The following BICC1 variants were observed in gnomAD, a reference collection of about 807,000 sequenced individuals.
BICC1 encodes protein bicaudal C homolog 1.
In BICC1, 43 loss-of-function variants were observed where a neutral mutation model predicts 111.0. The ratio of observed to expected loss-of-function variants is 0.39; its 90% CI spans 0.30 to 0.50. BICC1 has a LOEUF of 0.50. Ranked by LOEUF, BICC1 falls within the 20% of genes least tolerant of loss-of-function variation. BICC1 has a pLI of 0.88. For missense variants in BICC1, 1,091 were observed against 1,203.2 expected (o/e 0.91, Z 1.38); for synonymous variants, 467 against 434.4 (o/e 1.07, Z -0.93).
chr10:58,649,050 CCTT>C (rs1462149705), intron 2 of BICC1, among the ~76,000 whole-genome samples: 1 of 152,168 alleles, frequency 6.6e-6, no homozygotes, highest in Non-Finnish European at 1.5e-5. Flanking sequence ...ACCCTGAACA[CCTT>C]CTCCCCAATA....
intron 1 of BICC1, among the ~76,000 whole-genome samples, chr10:58,558,442 G>A (rs2131940140): frequency 6.6e-6 from 1 of 152,122 alleles, no homozygotes; most frequent in South Asian, 2.1e-4. Flanking sequence ...AGTTCTCCTG[G>A]CAATAAGCTG....
intron 3 of BICC1, among the ~76,000 whole-genome samples, chr10:58,783,440 A>G (rs1451953642): frequency 6.6e-6 from 1 of 151,714 alleles, no homozygotes; most frequent in Non-Finnish European, 1.5e-5. Context: ...AGAATATGAT[A>G]TGCTCTCTGT....
At chr10:58,622,185 G>GA (rs552590765) in intron 2 of BICC1, among the ~76,000 whole-genome samples, 138 of 147,426 alleles carry the variant, frequency 9.4e-4, no homozygotes, top group South Asian at 8.0e-3. Context: ...CTGTCTCAAA[G>GA]AAAAAAAAAA....
chr10:58,733,846 T>C (rs963516034), intron 3 of BICC1, among the ~76,000 whole-genome samples: 10 of 152,242 alleles, frequency 6.6e-5, no homozygotes, highest in African/African-American at 2.2e-4. Context: ...GTTAGGAGCA[T>C]GGTGTCTTGA....
chr10:58,572,801 C>T lies in BICC1; in HGVS notation c.191-48054C>T, dbSNP rs971857777. ...GGGAAATGTGAGAACACCAGATAGC[C>T]AGAGGTAAACAATACTACGCCTTTG... is the stretch of plus-strand genomic sequence containing the variant. On this transcript the variant is annotated intron_variant, in intron 1 of 20. Transcript: ENST00000373886. 9.9e-5 allele frequency among the ~76,000 whole-genome samples: 15 copies of T among 152,152 alleles called. 1 individual carries two copies. The highest frequency in any genetic ancestry group is 9.2e-4 in the Admixed American group (14 of 15,262).
intron 3 of BICC1, among the ~76,000 whole-genome samples, chr10:58,711,530 T>C (rs1840572204): frequency 1.3e-5 from 2 of 152,200 alleles, no homozygotes; most frequent in Admixed American, 1.3e-4. Context: ...GCACACATCA[T>C]TTTACAGGTG....
At chr10:58,662,693 A>G (rs4948535) in intron 2 of BICC1, among the ~76,000 whole-genome samples, 103,625 of 152,156 alleles carry the variant, frequency 0.68, 39,425 homozygotes, top group East Asian at 0.88. Flanking sequence ...GAAACATAGG[A>G]AAGAACTATT....
chr10:58,553,328 G>T (rs1843349844), intron 1 of BICC1, among the ~76,000 whole-genome samples: 1 of 152,194 alleles, frequency 6.6e-6, no homozygotes, highest in African/African-American at 2.4e-5. Context: ...GGGAGGCAAA[G>T]GAGTTAGAGT....
chr10:58,560,034 T>G (rs918159177), intron 1 of BICC1, among the ~76,000 whole-genome samples: 1 of 151,864 alleles, frequency 6.6e-6, no homozygotes, highest in Non-Finnish European at 1.5e-5. Flanking sequence ...TTTTTTTTTT[T>G]GCAGTGTCTT....
At chr10:58,713,779 T>C (rs542167184) in intron 3 of BICC1, among the ~76,000 whole-genome samples, 1 of 152,382 alleles carries the variant, frequency 6.6e-6, no homozygotes, top group East Asian at 1.9e-4. Flanking sequence ...ACCTGACTTT[T>C]AGAAGTGTGC....
rs765798374 is a variant in BICC1, at chr10:58,828,899, C to T, written c.*8C>T. ...GTCAGTGGCCGCTGGTAGCAGCACC[C>T]TCTTGGCACATGCCCGCTGACTAAC... On this transcript the variant is annotated 3_prime_UTR_variant, in exon 21 of 21. Transcript: ENST00000373886. The T allele has an allele frequency of 6.2e-7, 1 of 1,613,496 alleles. No individual in the cohort carries two copies. The highest frequency in any genetic ancestry group is 8.5e-7 in the Non-Finnish European group (1 of 1,179,694).
chr10:58,799,589 T>G (rs1379572708), intron 12 of BICC1, among the ~76,000 whole-genome samples: 2 of 152,156 alleles, frequency 1.3e-5, no homozygotes, highest in Non-Finnish European at 2.9e-5. Flanking sequence ...CCAGCGCCAG[T>G]TATTGAACAT....
At chr10:58,686,267 A>G (rs1330564587) in intron 2 of BICC1, among the ~76,000 whole-genome samples, 3 of 152,194 alleles carry the variant, frequency 2.0e-5, no homozygotes, top group South Asian at 2.1e-4. Context: ...TTTGTGGGTA[A>G]CCCGACCTTT....
chr10:58,726,756 G>A (rs900628933), intron 3 of BICC1, among the ~76,000 whole-genome samples: 2 of 152,132 alleles, frequency 1.3e-5, no homozygotes, highest in Non-Finnish European at 2.9e-5. Flanking sequence ...CCATTTTTGT[G>A]TGTGATCATC....
intron 2 of BICC1, among the ~76,000 whole-genome samples, chr10:58,690,564 A>G (rs367825171): frequency 3.9e-5 from 6 of 152,346 alleles, no homozygotes; most frequent in African/African-American, 1.4e-4. Flanking sequence ...CAGGAGCACA[A>G]TGAATACATA....
chr10:58,546,762 T>C (rs1327224929), intron 1 of BICC1, among the ~76,000 whole-genome samples: 2 of 152,216 alleles, frequency 1.3e-5, no homozygotes, highest in East Asian at 1.9e-4. Flanking sequence ...CTGTTACCAG[T>C]ACTTTCAAAT....
chr10:58,668,455 AC>A (rs1400790972), intron 2 of BICC1, among the ~76,000 whole-genome samples: 2 of 152,004 alleles, frequency 1.3e-5, no homozygotes, highest in Non-Finnish European at 2.9e-5. Context: ...TGACTGAAAA[AC>A]ATCTCAAAAT....
chr10:58,715,879 T>C (rs1223405500), intron 3 of BICC1: 2 of 1,222,546 alleles, frequency 1.6e-6, no homozygotes, highest in East Asian at 5.1e-5. Flanking sequence ...ATCTTCTTCA[T>C]CAAGCTCTGA....
chr10:58,687,875 C>T (rs1441525054), intron 2 of BICC1, among the ~76,000 whole-genome samples: 4 of 152,262 alleles, frequency 2.6e-5, no homozygotes, highest in African/African-American at 7.2e-5. Flanking sequence ...CCGACAAGCC[C>T]CAGTGAGATG....
Sources: allele counts gnomAD v4.1 joint callset (sites outside exome capture counted in the v4.1 genomes callset), GRCh38; gene constraint gnomAD v4.1.1; transcripts MANE v1.5; gene names NCBI Gene and HGNC (gene_info 2026-07-23, HGNC 2026-07-21).